The following KLHL3 variants were observed in gnomAD, a reference collection of about 807,000 sequenced individuals.
KLHL3 encodes kelch-like protein 3.
A neutral mutation model predicts 70.5 loss-of-function variants in KLHL3; 19 were observed. The observed-to-expected ratio is 0.27, with a 90% CI of 0.19 to 0.40. KLHL3 has a LOEUF of 0.40. Ranked by LOEUF, KLHL3 falls within the 10% of genes least tolerant of loss-of-function variation. KLHL3 has a pLI of 1.00. For synonymous variants in KLHL3, 258 were observed against 290.3 expected (o/e 0.89, Z 1.13); for missense variants, 512 against 771.1 (o/e 0.66, Z 3.98).
intron 2 of KLHL3, among the ~76,000 whole-genome samples, chr5:137,716,171 G>GA (rs1752887832): frequency 1.3e-5 from 2 of 150,524 alleles, no homozygotes; most frequent in South Asian, 2.1e-4. Context: ...TAATGACATA[G>GA]AAAAATGTGT....
chr5:137,622,364 G>C (rs548842086), intron 14 of KLHL3, among the ~76,000 whole-genome samples: 1 of 152,290 alleles, frequency 6.6e-6, no homozygotes, highest in South Asian at 2.1e-4. Flanking sequence ...ACTGACTAGT[G>C]GCCTCACCCT....
At chr5:137,726,205 G>T (rs1753082621) in intron 1 of KLHL3, among the ~76,000 whole-genome samples, 1 of 152,072 alleles carries the variant, frequency 6.6e-6, no homozygotes, top group Non-Finnish European at 1.5e-5. Context: ...GCCTCCATTT[G>T]TTCTATATGT....
At chr5:137,662,876 C>G (rs945600463) in intron 6 of KLHL3, among the ~76,000 whole-genome samples, 7 of 152,062 alleles carry the variant, frequency 4.6e-5, no homozygotes, top group South Asian at 2.1e-4. Context: ...ACTTCTAGAG[C>G]TCTAGCTTAT....
chr5:137,668,466 C>T (rs758593878), intron 6 of KLHL3, among the ~76,000 whole-genome samples: 20 of 152,098 alleles, frequency 1.3e-4, no homozygotes, highest in Non-Finnish European at 1.5e-4. Context: ...AACTAACTTC[C>T]TAAACCTATA....
At chr5:137,731,372 G>A (rs1375398198) in intron 1 of KLHL3, among the ~76,000 whole-genome samples, 1 of 152,148 alleles carries the variant, frequency 6.6e-6, no homozygotes, top group African/African-American at 2.4e-5. Flanking sequence ...GGTTGGGGGA[G>A]GACTAAGTGA....
chr5:137,680,579 T>C lies in KLHL3; in HGVS notation c.527-2925A>G, dbSNP rs115442178. Among the ~76,000 whole-genome samples the C allele has an allele frequency of 5.1e-3, 770 of 151,788 alleles. 5 individuals are homozygous for C. Among genetic ancestry groups the C allele is most frequent in the Non-Finnish European group, 9.0e-3 (612 of 67,894 alleles). ...TTTTTTTTGAGACAGAGTTTCGCTA[T>C]TTGCCCAGGGTGGAGTGCAATGGCG... On this transcript the variant is annotated intron_variant, in intron 5 of 14. Coordinates refer to ENST00000309755, the MANE Select transcript of KLHL3 (RefSeq NM_017415.3).
chr5:137,660,145 G>A (rs1277805328), intron 7 of KLHL3, among the ~76,000 whole-genome samples: 1 of 152,230 alleles, frequency 6.6e-6, no homozygotes, highest in East Asian at 1.9e-4. Flanking sequence ...AAAGGGCAAA[G>A]GGAGGAGTCC....
At chr5:137,669,215 T>C (rs937982925) in intron 6 of KLHL3, among the ~76,000 whole-genome samples, 21 of 152,238 alleles carry the variant, frequency 1.4e-4, no homozygotes, top group African/African-American at 4.8e-4. Context: ...ATTTCATTCA[T>C]ACCACATCTC....
intron 4 of KLHL3, among the ~76,000 whole-genome samples, chr5:137,693,670 G>C (rs2149918745): frequency 6.6e-6 from 1 of 152,192 alleles, no homozygotes; most frequent in Non-Finnish European, 1.5e-5. Flanking sequence ...CTTATCTTGG[G>C]GACCCTGGCA....
At chr5:137,714,322 C>T (rs1370233361) in intron 2 of KLHL3, among the ~76,000 whole-genome samples, 2 of 152,132 alleles carry the variant, frequency 1.3e-5, no homozygotes, top group Non-Finnish European at 2.9e-5. Context: ...AATAATCCCA[C>T]TCCCAGACAT....
intron 8 of KLHL3, among the ~76,000 whole-genome samples, chr5:137,648,152 C>T (rs1401464167): frequency 2.0e-5 from 3 of 152,150 alleles, no homozygotes; most frequent in Non-Finnish European, 4.4e-5. Flanking sequence ...AGGGTAAGTA[C>T]CACTAATTCT....
Position 137,639,070 on chromosome 5 carries a change from C to T in KLHL3, c.1102G>A (p.Asp368Asn), listed in dbSNP as rs777752533. 1.4e-5 allele frequency: 22 copies of T among 1,614,136 alleles called. No individual in the cohort carries two copies. The highest frequency in any genetic ancestry group is 1.8e-5 in the Non-Finnish European group (21 of 1,180,014). The change falls in exon 10 of 15, where the codon GAC becomes AAC. Residue 368 changes from aspartate (D) to asparagine (N), a missense_variant. Transcript: ENST00000309755. The surrounding 1 kb of genome is among the most constrained non-coding windows in gnomAD (Gnocchi z 5.0). ...SLRVRTVDVY[D>N]GVKDQWTSIA... is the part of the protein sequence containing the mutation. ...GACGTCCACTGGTCCTTCACGCCGT[C>T]ATACACATCCACTGTCCGCACCCGC... is the stretch of plus-strand genomic sequence containing the variant.
intron 1 of KLHL3, among the ~76,000 whole-genome samples, chr5:137,727,999 A>G (rs530178166): frequency 6.4e-4 from 97 of 152,330 alleles, no homozygotes; most frequent in African/African-American, 2.1e-3. Flanking sequence ...GCACACCATC[A>G]TATCACTGTA....
intron 3 of KLHL3, among the ~76,000 whole-genome samples, chr5:137,700,728 TAAAC>T (rs1030395855): frequency 2.6e-5 from 4 of 152,122 alleles, no homozygotes; most frequent in African/African-American, 4.8e-5. Flanking sequence ...ACTTAAAACT[TAAAC>T]AAGCAAGAAA....
At chr5:137,640,473 T>C (rs1164021899) in intron 8 of KLHL3, among the ~76,000 whole-genome samples, 1 of 152,184 alleles carries the variant, frequency 6.6e-6, no homozygotes, top group Non-Finnish European at 1.5e-5. Context: ...ATTACAAAAG[T>C]TATTAAACTG....
intron 8 of KLHL3, among the ~76,000 whole-genome samples, chr5:137,642,388 C>G (rs184356411): frequency 6.6e-6 from 1 of 152,296 alleles, no homozygotes; most frequent in African/African-American, 2.4e-5. Context: ...AATGGACTTC[C>G]CTGGCCTCCA....
At chr5:137,664,810 C>T (rs1196597353) in intron 6 of KLHL3, among the ~76,000 whole-genome samples, 1 of 151,870 alleles carries the variant, frequency 6.6e-6, no homozygotes, top group Non-Finnish European at 1.5e-5. Flanking sequence ...ACAGCAAGAG[C>T]CTATCTTTAA....
chr5:137,694,031 C>CA (rs933465173), intron 4 of KLHL3, among the ~76,000 whole-genome samples: 1 of 152,054 alleles, frequency 6.6e-6, no homozygotes, highest in African/African-American at 2.4e-5. Flanking sequence ...CTAGTTTTTC[C>CA]AGGACTGGGG....
At chr5:137,680,606 G>A (rs10064725) in intron 5 of KLHL3, among the ~76,000 whole-genome samples, 4 of 150,828 alleles carry the variant, frequency 2.7e-5, no homozygotes, top group Admixed American at 6.6e-5. Context: ...GCAATGGCGC[G>A]ATCTCAGCTC....
Sources: allele counts gnomAD v4.1 joint callset (sites outside exome capture counted in the v4.1 genomes callset), GRCh38; gene constraint gnomAD v4.1.1; non-coding constraint Gnocchi (gnomAD v3.1); transcripts MANE v1.5; gene names NCBI Gene and HGNC (gene_info 2026-07-23, HGNC 2026-07-21).